Variants in NHSL1 observed in about 807,000 individuals in gnomAD.
The protein encoded by NHSL1 is NHS-like protein 1.
In NHSL1, 48 loss-of-function variants were observed where a neutral mutation model predicts 95.0. The observed-to-expected ratio is 0.51, with a 90% confidence interval of 0.40 to 0.64. The LOEUF (loss-of-function observed/expected upper bound fraction) is 0.64. Ranked by LOEUF, NHSL1 falls within the 30% of genes least tolerant of loss-of-function variation. The pLI is 0.00. For missense variants in NHSL1, 1,971 were observed against 2,077.7 expected (o/e 0.95, Z 1.00); for synonymous variants, 783 against 833.9 (o/e 0.94, Z 1.05).
rs577020607 is a variant in NHSL1, at chr6:138,692,249, C to T, written c.96+227G>A. On this transcript the variant is annotated intron_variant, in intron 1 of 3. Coordinates refer to the NHSL1 transcript ENST00000491526. This position sits in a 1 kb window ranked among gnomAD's most constrained non-coding sequence, Gnocchi z 4.0. ...CCAATTCCCACCCTCCGCGCCCACT[C>T]TCTCGAGGTAGCCAAGACCCTCCAG... 9.7e-5 allele frequency: 44 copies of T among 452,640 alleles called. 1 individual carries two copies. Among genetic ancestry groups the T allele is most frequent in the South Asian group, 5.2e-4 (33 of 64,050 alleles). 28.0% of individuals were successfully genotyped at this position (452,640 alleles called of 1,614,324 possible). A position where few individuals can be genotyped will look rare whatever the true frequency, so the allele number is the denominator to read the frequency against.
At chr6:138,437,182 G>A (rs959948144) in intron 5 of NHSL1, among the ~76,000 whole-genome samples, 4 of 150,946 alleles carry the variant, frequency 2.6e-5, no homozygotes, top group Admixed American at 2.6e-4. Flanking sequence ...GCTGAGGCAG[G>A]AGAATAGCTT....
At chr6:138,638,905 C>A (rs1784923220) in intron 1 of NHSL1, among the ~76,000 whole-genome samples, 1 of 152,200 alleles carries the variant, frequency 6.6e-6, no homozygotes. Flanking sequence ...GAGTTCTGGG[C>A]TCCCAGAAGT....
intron 7 of NHSL1, among the ~76,000 whole-genome samples, chr6:138,429,250 T>C (rs1033378107): frequency 2.6e-5 from 4 of 152,184 alleles, no homozygotes; most frequent in African/African-American, 9.7e-5. Context: ...AAGAAATTGC[T>C]CTGTATAACT....
chr6:138,692,226 A>G lies in NHSL1; in HGVS notation c.96+250T>C, dbSNP rs1785687409. 2.2e-6 allele frequency: 1 copy of G among 455,390 alleles called. No homozygotes were observed. Among genetic ancestry groups the G allele is most frequent in the African/African-American group, 2.0e-5 (1 of 49,980 alleles). 28.2% of individuals were successfully genotyped at this position (455,390 alleles called of 1,614,324 possible). ...GAAGGAGCAGACAAGGGGACTGTCC[A>G]ATTCCCACCCTCCGCGCCCACTCTC... On this transcript the variant is annotated intron_variant, in intron 1 of 3. Coordinates refer to the NHSL1 transcript ENST00000491526. The surrounding 1 kb of genome is among the most constrained non-coding windows in gnomAD (Gnocchi z 4.0).
chr6:138,507,843 T>C (rs976418091), intron 1 of NHSL1, among the ~76,000 whole-genome samples: 2 of 152,158 alleles, frequency 1.3e-5, no homozygotes, highest in African/African-American at 4.8e-5. Flanking sequence ...GAAATCTCTC[T>C]CTTCATCAAT....
intron 1 of NHSL1, among the ~76,000 whole-genome samples, chr6:138,672,687 C>T (rs1420268709): frequency 2.0e-5 from 3 of 152,134 alleles, no homozygotes; most frequent in African/African-American, 7.2e-5. Context: ...ATTATGTCTC[C>T]TAAAACATGA....
At chr6:138,545,067 T>G (rs918573610) in intron 1 of NHSL1, among the ~76,000 whole-genome samples, 1 of 140,742 alleles carries the variant, frequency 7.1e-6, no homozygotes, top group Non-Finnish European at 1.5e-5. Context: ...CTCGGCTCAC[T>G]GCAACATCCA....
chr6:138,487,644 A>C lies in NHSL1; in HGVS notation c.211+8575T>G, dbSNP rs79643861. ...GCCAATCAGAATTTTAGAGCTTAGA[A>C]GGGAACATAGAAATCATAAATTGTT... On this transcript the variant is annotated intron_variant, in intron 2 of 7. Transcript: ENST00000343505. Among the ~76,000 whole-genome samples the C allele has an allele frequency of 1.2e-4, 19 of 152,364 alleles. 1 individual carries two copies. In the East Asian group the frequency reaches 3.3e-3, roughly 26 times the overall value.
chr6:138,664,042 G>C (rs1785264060), intron 1 of NHSL1, among the ~76,000 whole-genome samples: 1 of 152,184 alleles, frequency 6.6e-6, no homozygotes, highest in Non-Finnish European at 1.5e-5. Context: ...GCAAAGTCAA[G>C]TCTGGATAAA....
At chr6:138,435,807 T>G (rs1339090914) in intron 5 of NHSL1, among the ~76,000 whole-genome samples, 1 of 152,074 alleles carries the variant, frequency 6.6e-6, no homozygotes, top group African/African-American at 2.4e-5. Context: ...GCCATTTTTC[T>G]AACATGCTTA....
chr6:138,425,460 A>G (rs1308739416), intron 7 of NHSL1, among the ~76,000 whole-genome samples: 1 of 152,240 alleles, frequency 6.6e-6, no homozygotes, highest in Non-Finnish European at 1.5e-5. Flanking sequence ...GCTCACTGCA[A>G]GACCGCATGA....
intron 1 of NHSL1, among the ~76,000 whole-genome samples, chr6:138,669,282 G>A (rs969083198): frequency 3.9e-5 from 6 of 152,074 alleles, no homozygotes; most frequent in African/African-American, 1.4e-4. Flanking sequence ...TTAAGAAGAT[G>A]GAGAGAATGG....
intron 1 of NHSL1, among the ~76,000 whole-genome samples, chr6:138,510,359 G>A (rs747612094): frequency 5.3e-5 from 8 of 152,206 alleles, no homozygotes; most frequent in African/African-American, 1.2e-4. Context: ...GCTGATGAAC[G>A]AACAGCAAGA....
chr6:138,443,481 A>T (rs1486071797), intron 4 of NHSL1, among the ~76,000 whole-genome samples: 1 of 152,226 alleles, frequency 6.6e-6, no homozygotes, highest in African/African-American at 2.4e-5. Flanking sequence ...CCTGCAGCAG[A>T]AGAAAAAACT....
At chr6:138,678,704 T>A (rs1785477671) in intron 1 of NHSL1, among the ~76,000 whole-genome samples, 2 of 152,230 alleles carry the variant, frequency 1.3e-5, no homozygotes, top group South Asian at 4.1e-4. Flanking sequence ...ACTTTGCCTA[T>A]CCTTGCCACT....
intron 7 of NHSL1, 110 bp downstream of exon 7, chr6:138,429,601 T>G (rs1562254802): frequency 3.1e-6 from 3 of 962,402 alleles, no homozygotes; most frequent in African/African-American, 3.4e-5. Flanking sequence ...AGTTAAGGAG[T>G]TATGATTGGG....
Position 138,648,344 on chromosome 6 carries a change from C to T in NHSL1, c.96+44132G>A, listed in dbSNP as rs1001855543. Among the ~76,000 whole-genome samples the T allele has an allele frequency of 8.3e-4, 111 of 133,650 alleles. 1 individual carries two copies. The highest frequency in any genetic ancestry group is 6.1e-4 in the Non-Finnish European group (40 of 65,284). The allele number at this position is 133,650 out of a possible 152,430, so 87.7% of individuals were successfully genotyped here. A position where few individuals can be genotyped will look rare whatever the true frequency, so the allele number is the denominator to read the frequency against. ...ATGGCTATGTTTTAATAAAACTTTACGGACACTGAAAAAAAAAAAAAAACA... is the reference window on the plus strand; with the variant it reads ...ATGGCTATGTTTTAATAAAACTTTATGGACACTGAAAAAAAAAAAAAAACA... On this transcript the variant is annotated intron_variant, in intron 1 of 3. Coordinates refer to the NHSL1 transcript ENST00000491526.
rs1333141386 is a variant in NHSL1, at chr6:138,430,778, G to A, written c.3567C>T (p.Ser1189=). The A allele has an allele frequency of 6.4e-7, 1 of 1,551,668 alleles. No individual in the cohort carries two copies. Among genetic ancestry groups the A allele is most frequent in the Admixed American group, 2.0e-5 (1 of 51,006 alleles). The change falls in exon 6 of 8, where the codon AGC becomes AGT. Residue 1189 remains serine, a synonymous_variant. Coordinates refer to ENST00000343505, the MANE Select transcript of NHSL1 (RefSeq NM_001144060.2). This position sits in a 1 kb window ranked among gnomAD's most constrained non-coding sequence, Gnocchi z 4.7. ...TCTTGGAAATGGGGGGTGGCTTCCTGCTGGGTGAAGAGTCTGGGAGTGGGG... is the reference window on the plus strand; with the variant it reads ...TCTTGGAAATGGGGGGTGGCTTCCTACTGGGTGAAGAGTCTGGGAGTGGGG... ...STTPLPDSSP[S]RKPPPISKKP...
chr6:138,471,902 G>T (rs1228429947), intron 3 of NHSL1, among the ~76,000 whole-genome samples: 1 of 152,070 alleles, frequency 6.6e-6, no homozygotes, highest in Non-Finnish European at 1.5e-5. Context: ...ATGTAGACCA[G>T]GCGCGGTGAC....
Sources: gnomAD v4.1 joint callset for allele counts (sites outside exome capture counted in the v4.1 genomes callset) on GRCh38, gnomAD v4.1.1 for gene constraint, Gnocchi (gnomAD v3.1) non-coding constraint, MANE v1.5 for transcripts, NCBI Gene and HGNC (gene_info 2026-07-23, HGNC 2026-07-21) for gene names.